PRKAG2: variants seen among roughly 807,000 people sequenced by gnomAD.
The protein encoded by PRKAG2 is protein kinase AMP-activated non-catalytic subunit gamma 2.
A neutral mutation model predicts 69.6 loss-of-function variants in PRKAG2; 26 were observed. The ratio of observed to expected loss-of-function variants is 0.37; its 90% confidence interval spans 0.27 to 0.52. The LOEUF (loss-of-function observed/expected upper bound fraction) is 0.52. PRKAG2 is among the 20% of genes least tolerant of loss of function. The pLI, the probability that PRKAG2 is intolerant of heterozygous loss-of-function variation, is 0.90. For missense variants in PRKAG2, 557 were observed against 740.0 expected, an observed-to-expected ratio of 0.75 and a Z score of 2.87; for synonymous variants, 293 against 285.0, an observed-to-expected ratio of 1.03 and a Z score of -0.28.
In PRKAG2 at chr7:151,835,125, G is replaced by T. The variant is rs962215678; in HGVS notation, c.114+41382C>A. 6.6e-6 allele frequency among the ~76,000 whole-genome samples: 1 copy of T among 152,140 alleles called. No homozygotes were observed. Among genetic ancestry groups the T allele is most frequent in the Non-Finnish European group, 1.5e-5 (1 of 68,028 alleles). Reference sequence around the variant, plus strand: ...GGAAACGACCCTGTTTCCAAAAGAGGTCACATTCACAGGTACAGAGGGTTA... The same window carrying T: ...GGAAACGACCCTGTTTCCAAAAGAGTTCACATTCACAGGTACAGAGGGTTA... On this transcript the variant is annotated intron_variant, in intron 1 of 15. Transcript: ENST00000287878. This position sits in a 1 kb window ranked among gnomAD's most constrained non-coding sequence, Gnocchi z 4.1.
chr7:151,796,350 CA>C (rs1165571474), intron 1 of PRKAG2, among the ~76,000 whole-genome samples: 1 of 152,116 alleles, frequency 6.6e-6, no homozygotes, highest in Non-Finnish European at 1.5e-5. Flanking sequence ...GACGAGAGGA[CA>C]AAGACGGATG....
chr7:151,590,460 G>A (rs867537498), intron 6 of PRKAG2, among the ~76,000 whole-genome samples: 1 of 152,220 alleles, frequency 6.6e-6, no homozygotes, highest in East Asian at 1.9e-4. Flanking sequence ...CCCTGGCACC[G>A]GACAGAGGGA....
intron 5 of PRKAG2, among the ~76,000 whole-genome samples, chr7:151,602,014 T>A (rs1395348617): frequency 6.6e-6 from 1 of 152,210 alleles, no homozygotes; most frequent in East Asian, 1.9e-4. Flanking sequence ...GACTAGACAG[T>A]GAGGGCCCTG....
intron 1 of PRKAG2, among the ~76,000 whole-genome samples, chr7:151,818,136 G>T (rs539561520): frequency 6.6e-6 from 1 of 152,286 alleles, no homozygotes; most frequent in South Asian, 2.1e-4. Flanking sequence ...AGACATTGGG[G>T]CCTTATGATA....
At chr7:151,849,449 G>A (rs1410957925) in intron 1 of PRKAG2, among the ~76,000 whole-genome samples, 1 of 152,206 alleles carries the variant, frequency 6.6e-6, no homozygotes, top group Non-Finnish European at 1.5e-5. Context: ...TAGATGGACA[G>A]GAGACCAAAG....
intron 4 of PRKAG2, among the ~76,000 whole-genome samples, chr7:151,648,325 C>A (rs1827893824): frequency 6.6e-6 from 1 of 152,154 alleles, no homozygotes; most frequent in African/African-American, 2.4e-5. Context: ...ATATATTTTT[C>A]CATGATATAC....
At chr7:151,634,299 C>G (rs1032874090) in intron 4 of PRKAG2, among the ~76,000 whole-genome samples, 1 of 152,122 alleles carries the variant, frequency 6.6e-6, no homozygotes, top group Non-Finnish European at 1.5e-5. Context: ...AAACAAACCC[C>G]AACCTAAGCC....
chr7:151,614,489 A>G lies in PRKAG2; in HGVS notation c.754+17580T>C, dbSNP rs550510053. ...AGTCAGAGGAGAAAAGAGGCAGAGC[A>G]GTCAGTGGACGTCTCTGAGACCCTG... On this transcript the variant is annotated intron_variant, in intron 5 of 15. Transcript: ENST00000287878. This position sits in a 1 kb window ranked among gnomAD's most constrained non-coding sequence, Gnocchi z 4.4. 2.0e-4 allele frequency among the ~76,000 whole-genome samples: 31 copies of G among 152,296 alleles called. No homozygotes were observed. In the South Asian group the frequency reaches 4.1e-3, roughly 20 times the overall value.
intron 1 of PRKAG2, among the ~76,000 whole-genome samples, chr7:151,868,049 C>T (rs1209459882): frequency 4.6e-5 from 7 of 152,134 alleles, no homozygotes; most frequent in Non-Finnish European, 1.0e-4. Context: ...TGGTCTTTGT[C>T]GTGCATTCAT....
At chr7:151,846,762 T>A (rs1181990291) in intron 1 of PRKAG2, among the ~76,000 whole-genome samples, 2 of 152,238 alleles carry the variant, frequency 1.3e-5, no homozygotes, top group African/African-American at 4.8e-5. Context: ...CCCCCTCTTA[T>A]AACCACCATA....
At chr7:151,820,640 T>A (rs2078748106) in intron 1 of PRKAG2, among the ~76,000 whole-genome samples, 3 of 50,950 alleles carry the variant, frequency 5.9e-5, no homozygotes, top group African/African-American at 1.8e-4. Context: ...CAGGGCACAC[T>A]CTACTCTGAA....
intron 3 of PRKAG2, among the ~76,000 whole-genome samples, chr7:151,723,100 G>C (rs1797378194): frequency 6.6e-6 from 1 of 152,200 alleles, no homozygotes; most frequent in Admixed American, 6.5e-5. Context: ...GGCTCTGAGA[G>C]GTGGACCACA....
chr7:151,795,876 T>TACAC (rs1450051905), intron 1 of PRKAG2, among the ~76,000 whole-genome samples: 1 of 112,840 alleles, frequency 8.9e-6, no homozygotes, highest in South Asian at 2.7e-4. Flanking sequence ...TATATATATA[T>TACAC]ATATATATAT....
chr7:151,832,257 A>AG, intron 1 of PRKAG2, among the ~76,000 whole-genome samples: 2 of 108,444 alleles, frequency 1.8e-5, no homozygotes, highest in African/African-American at 9.8e-5. Context: ...GGAAGGGAGG[A>AG]GGGAAGGAAG....
chr7:151,565,296 T>C (rs759483449), intron 13 of PRKAG2, 50 bp downstream of exon 13: 26 of 1,292,438 alleles, frequency 2.0e-5, no homozygotes, highest in Non-Finnish European at 2.7e-5. Context: ...ATTACATGAA[T>C]GTTTAAAATG....
Position 151,814,669 on chromosome 7 carries a change from GGT to G in PRKAG2, c.115-28130_115-28129del. On this transcript the variant is annotated intron_variant, in intron 1 of 15. Coordinates refer to ENST00000287878, the MANE Select transcript of PRKAG2 (RefSeq NM_016203.4). The surrounding 1 kb of genome is among the most constrained non-coding windows in gnomAD (Gnocchi z 4.8). ...CTGCAACAGATGGGGACCGGGGCTG[GGT>G]GTGTTCCCAGTCCCCAAGGCAGCGC... 8.1e-7 allele frequency: 1 copy of G among 1,231,802 alleles called. No individual in the cohort carries two copies. Among genetic ancestry groups the G allele is most frequent in the Non-Finnish European group, 1.0e-6 (1 of 988,002 alleles). The allele number at this position is 1,231,802 out of a possible 1,614,324, so 76.3% of individuals were successfully genotyped here. A position where few individuals can be genotyped will look rare whatever the true frequency, so the allele number is the denominator to read the frequency against.
At chr7:151,663,260 A>T (rs989501532) in intron 4 of PRKAG2, among the ~76,000 whole-genome samples, 1 of 152,176 alleles carries the variant, frequency 6.6e-6, no homozygotes, top group African/African-American at 2.4e-5. Context: ...ATGTTACTCC[A>T]AATCTCCTCA....
At chr7:151,604,731 C>CT (rs35304460) in intron 5 of PRKAG2, among the ~76,000 whole-genome samples, 5,588 of 152,248 alleles carry the variant, frequency 0.037, 341 homozygotes, top group African/African-American at 0.13. Flanking sequence ...CCTTAATGCC[C>CT]TGTGTCTGTC....
At chr7:151,625,447 G>C (rs897005006) in intron 5 of PRKAG2, among the ~76,000 whole-genome samples, 1 of 152,152 alleles carries the variant, frequency 6.6e-6, no homozygotes, top group African/African-American at 2.4e-5. Context: ...CGGGAAGTGC[G>C]GACTCCTACA....
Sources: allele counts gnomAD v4.1 joint callset (sites outside exome capture counted in the v4.1 genomes callset), GRCh38; gene constraint gnomAD v4.1.1; non-coding constraint Gnocchi (gnomAD v3.1); transcripts MANE v1.5; gene names NCBI Gene and HGNC (gene_info 2026-07-23, HGNC 2026-07-21).